DOCK8: variants seen among roughly 807,000 people sequenced by gnomAD.
DOCK8 encodes dedicator of cytokinesis 8, also known as dedicator of cytokinesis protein 8.
Under a neutral mutation model 245.6 loss-of-function variants are expected in DOCK8, and 141 were observed. The observed-to-expected ratio is 0.57, with a 90% CI of 0.50 to 0.66. The LOEUF is 0.66. Ranked by LOEUF, DOCK8 falls within the 30% of genes least tolerant of loss-of-function variation. The probability of loss-of-function intolerance (pLI) is 0.00; values close to 1 mark genes in which losing one functional copy is unlikely to be tolerated. For missense variants in DOCK8, 2,965 were observed against 2,603.4 expected (o/e 1.14, Z -3.02); for synonymous variants, 1,168 against 970.2 (o/e 1.20, Z -3.79).
chr9:423,887 A>G (rs1267506122), intron 33 of DOCK8, among the ~76,000 whole-genome samples: 1 of 152,070 alleles, frequency 6.6e-6, no homozygotes, highest in Non-Finnish European at 1.5e-5. Context: ...TGGGCTGTGT[A>G]AACTGGTGTT....
intron 45 of DOCK8, among the ~76,000 whole-genome samples, chr9:451,043 T>G (rs752468464): frequency 5.3e-5 from 8 of 152,156 alleles, no homozygotes; most frequent in Non-Finnish European, 1.0e-4. Context: ...CCAGGCTCAG[T>G]GGCTCATGCC....
chr9:215,276 G>T (rs531480147), intron 1 of DOCK8: 2 of 1,607,356 alleles, frequency 1.2e-6, no homozygotes, highest in South Asian at 2.2e-5. Flanking sequence ...CTCAGCCGCC[G>T]GGGATCCCTT....
intron 6 of DOCK8, among the ~76,000 whole-genome samples, chr9:314,975 G>A (rs565640239): frequency 1.1e-4 from 16 of 152,238 alleles, no homozygotes; most frequent in South Asian, 2.1e-4. Flanking sequence ...TACAAAAGGC[G>A]GTTATTCTAC....
At chr9:400,246 TCCACCA>T (rs2054799124) in intron 26 of DOCK8, among the ~76,000 whole-genome samples, 1 of 40,238 alleles carries the variant, frequency 2.5e-5, no homozygotes, top group Non-Finnish European at 4.7e-5. Context: ...CACCACCACC[TCCACCA>T]TCACCACCAC....
At chr9:423,812 T>G (rs1258910054) in intron 33 of DOCK8, among the ~76,000 whole-genome samples, 1 of 152,184 alleles carries the variant, frequency 6.6e-6, no homozygotes, top group East Asian at 1.9e-4. Flanking sequence ...ACAGAATTGC[T>G]TAGGTGGTTT....
intron 14 of DOCK8, among the ~76,000 whole-genome samples, chr9:350,966 G>C (rs1229557338): frequency 6.6e-6 from 1 of 152,172 alleles, no homozygotes; most frequent in African/African-American, 2.4e-5. Flanking sequence ...GTGTGTTGGA[G>C]CTCACTCAGG....
chr9:425,898 A>G (rs192030571), intron 33 of DOCK8, among the ~76,000 whole-genome samples: 1 of 152,134 alleles, frequency 6.6e-6, no homozygotes, highest in African/African-American at 2.4e-5. Context: ...ACACAGAAGT[A>G]CTTATTTTTT....
At chr9:367,763 A>G (rs1160945263) in intron 14 of DOCK8, among the ~76,000 whole-genome samples, 1 of 152,200 alleles carries the variant, frequency 6.6e-6, no homozygotes, top group African/African-American at 2.4e-5. Flanking sequence ...ATTCCAAGAC[A>G]TGAAGACTTT....
In DOCK8 at chr9:452,082, C is replaced by T. The variant is rs2057484844; in HGVS notation, c.6033C>T (p.Asn2011=). The T allele has an allele frequency of 6.3e-7, 1 of 1,599,040 alleles. No homozygotes were observed. Among genetic ancestry groups the T allele is most frequent in the Non-Finnish European group, 8.5e-7 (1 of 1,172,680 alleles). The change falls in exon 46 of 48, where the codon AAC becomes AAT. Residue 2011 remains asparagine, a synonymous_variant. Transcript: ENST00000432829. ...PADPKLYRHH[N]KLRLCFKEFI... is the part of the protein sequence containing the mutation. The stretch of plus-strand genomic sequence containing the variant: ...ATCCAAAACTCTATCGACATCACAA[C>T]AAGTTGAGGTTATGCTTTAAGGAAT...
chr9:430,097 A>G (rs1303924225), intron 36 of DOCK8, among the ~76,000 whole-genome samples: 2 of 152,264 alleles, frequency 1.3e-5, no homozygotes, highest in Non-Finnish European at 2.9e-5. Flanking sequence ...GCCAGGGGCC[A>G]GGAACGATGG....
chr9:276,564 A>C (rs2048355218), intron 2 of DOCK8, among the ~76,000 whole-genome samples: 1 of 152,204 alleles, frequency 6.6e-6, no homozygotes, highest in South Asian at 2.1e-4. Context: ...ATGTGATGAT[A>C]AACTTGTCCC....
At chr9:307,329 GTT>G (rs1210792510) in intron 5 of DOCK8, among the ~76,000 whole-genome samples, 6 of 75,144 alleles carry the variant, frequency 8.0e-5, no homozygotes, top group South Asian at 5.4e-4. Flanking sequence ...GTTGTGTGTG[GTT>G]TTTTTTGTTT....
chr9:250,341 G>A (rs1273707414), intron 1 of DOCK8, among the ~76,000 whole-genome samples: 2 of 152,110 alleles, frequency 1.3e-5, no homozygotes, highest in Non-Finnish European at 2.9e-5. Flanking sequence ...TGAGTCAAAG[G>A]GGGTGGTTTT....
chr9:214,249 C>T, upstream of DOCK8: 1 of 478,480 alleles, frequency 2.1e-6, no homozygotes, highest in Non-Finnish European at 3.7e-6. Context: ...CGCAGCGTAC[C>T]CTTGAATCGC....
intron 45 of DOCK8, among the ~76,000 whole-genome samples, chr9:450,726 GA>G (rs879541444): frequency 3.3e-5 from 5 of 149,808 alleles, no homozygotes; most frequent in East Asian, 3.9e-4. Flanking sequence ...CCAAGATCAG[GA>G]AAAAAAAATG....
At chr9:296,596 T>C (rs927237755) in intron 4 of DOCK8, among the ~76,000 whole-genome samples, 1 of 152,172 alleles carries the variant, frequency 6.6e-6, no homozygotes. Context: ...AGTGAAGTGG[T>C]AAACAATTAA....
intron 26 of DOCK8, among the ~76,000 whole-genome samples, chr9:401,839 A>T (rs974226528): frequency 2.6e-5 from 4 of 152,144 alleles, no homozygotes; most frequent in Admixed American, 6.5e-5. Context: ...CATCTAAGGG[A>T]AGTCCTGATA....
At chr9:225,168 TG>T (rs78827914) in intron 1 of DOCK8, among the ~76,000 whole-genome samples, 48,577 of 151,910 alleles carry the variant, frequency 0.32, 7,867 homozygotes, top group East Asian at 0.36. Flanking sequence ...AGAATCCAGC[TG>T]GGGTGAGTGG....
chr9:360,993 C>G (rs889301627), intron 14 of DOCK8, among the ~76,000 whole-genome samples: 2 of 152,068 alleles, frequency 1.3e-5, no homozygotes, highest in Non-Finnish European at 2.9e-5. Flanking sequence ...GATTTCACCT[C>G]TACAAAAAGT....
Sources: allele counts gnomAD v4.1 joint callset (sites outside exome capture counted in the v4.1 genomes callset), GRCh38; gene constraint gnomAD v4.1.1; transcripts MANE v1.5; gene names NCBI Gene and HGNC (gene_info 2026-07-23, HGNC 2026-07-21).